The following NSUN4 variants were observed in gnomAD, a reference collection of about 807,000 sequenced individuals.
The protein encoded by NSUN4 is 5-cytosine rRNA methyltransferase NSUN4.
NSUN4 carries 31 observed loss-of-function variants against 43.8 expected under a neutral mutation model. That is an observed-to-expected ratio of 0.71 (90% CI 0.53 to 0.96). The LOEUF is 0.96. Among genes scored for constraint, NSUN4 ranks in the 40% least tolerant of loss-of-function variants. The probability of loss-of-function intolerance (pLI) is 0.00; values close to 1 mark genes in which losing one functional copy is unlikely to be tolerated. For missense variants in NSUN4, 439 were observed against 475.6 expected (o/e 0.92, Z 0.72); for synonymous variants, 167 against 184.1 (o/e 0.91, Z 0.75).
chr1:46,374,895 A>G, the NSUN4 span, among the ~76,000 whole-genome samples: 2 of 152,056 alleles, frequency 1.3e-5, no homozygotes, highest in African/African-American at 4.8e-5. Flanking sequence ...CTCTGGAAAA[A>G]AAAAAAAGAA....
rs891328315 is a variant in NSUN4 at position 46,341,411 on chromosome 1, C to T, written c.93+492C>T. 6 of 1,005,816 alleles carry T rather than the reference C, an allele frequency of 6.0e-6. No homozygotes were observed. In the African/African-American group the frequency reaches 8.6e-5, roughly 14 times the overall value. 62.3% of individuals were successfully genotyped at this position (1,005,816 alleles called of 1,614,324 possible). A position where few individuals can be genotyped will look rare whatever the true frequency, so the allele number is the denominator to read the frequency against. On this transcript the variant is annotated intron_variant, in intron 1 of 5. Coordinates refer to ENST00000474844, the MANE Select transcript of NSUN4 (RefSeq NM_199044.4). ...CGCCTTGCAGGAAAGGATTCAGCCC[C>T]TTCCTCAACCTCGAGCTGCCTCTGG...
intron 1 of NSUN4, 81 bp from the exon 2 acceptor site, chr1:46,344,720 C>A: frequency 7.8e-7 from 1 of 1,281,266 alleles, no homozygotes; most frequent in Non-Finnish European, 1.1e-6. Flanking sequence ...AAGTTTGCCC[C>A]TAGGCTCTGA....
At chr1:46,367,589 C>T (rs1419392537), downstream of NSUN4, among the ~76,000 whole-genome samples, 1 of 152,068 alleles carries the variant, frequency 6.6e-6, no homozygotes, top group African/African-American at 2.4e-5. Context: ...CAAGGGCAAG[C>T]TAGTGGTGTT....
chr1:46,345,171 G>A (rs767442208), intron 2 of NSUN4, 27 bp downstream of exon 2: 77 of 1,519,834 alleles, frequency 5.1e-5, no homozygotes, highest in South Asian at 2.3e-4. Flanking sequence ...TGACTGGAGC[G>A]GTCCTGAGTG....
the NSUN4 span, chr1:46,371,011 T>A: frequency 3.3e-5 from 5 of 152,586 alleles, no homozygotes; most frequent in African/African-American, 1.2e-4. Context: ...ATTATCCCCA[T>A]TTTAACAGAA....
At chr1:46,352,653 C>T (rs1486301271) in intron 3 of NSUN4, among the ~76,000 whole-genome samples, 5 of 152,158 alleles carry the variant, frequency 3.3e-5, no homozygotes, top group Non-Finnish European at 5.9e-5. Context: ...TATTCATTGA[C>T]TTAAATAACT....
chr1:46,381,025 A>T, the NSUN4 span, among the ~76,000 whole-genome samples: 4 of 152,166 alleles, frequency 2.6e-5, no homozygotes, highest in Admixed American at 6.5e-5. Flanking sequence ...ATGGGGACAC[A>T]GAGAGTCACA....
At chr1:46,374,013 G>T in the NSUN4 span, among the ~76,000 whole-genome samples, 49 of 152,206 alleles carry the variant, frequency 3.2e-4, 1 homozygote, top group Non-Finnish European at 2.2e-4. Context: ...CTAGCCGGGC[G>T]CAGTGGCTCA....
chr1:46,340,851 G>A lies in NSUN4; in HGVS notation c.25G>A (p.Val9Ile). The change falls in exon 1 of 6, where the codon GTC becomes ATC. Residue 9 changes from valine to isoleucine, a missense_variant. By Grantham distance (29) the Val-to-Ile change is conservative. Coordinates refer to ENST00000474844, the MANE Select transcript of NSUN4 (RefSeq NM_199044.4). MAALTLRG[V>I]RELLKRVDLA... ...TATGGCTGCGCTGACACTGAGGGGT[G>A]TCCGGGAGCTGCTGAAGCGTGTGGA... The A allele has an allele frequency of 6.2e-7, 1 of 1,612,880 alleles. No individual in the cohort carries two copies. Among genetic ancestry groups the A allele is most frequent in the Non-Finnish European group, 8.5e-7 (1 of 1,179,482 alleles).
rs1557745176 is a variant in NSUN4, at chr1:46,361,554, CTCTT to C, written c.879-12_879-9del. On this transcript the variant is annotated splice_polypyrimidine_tract_variant and intron_variant, in intron 5 of 5. Coordinates refer to ENST00000474844, the MANE Select transcript of NSUN4 (RefSeq NM_199044.4). ...GAAGCTCACTAGTAACTGCTTCTGT[CTCTT>C]TCTGGTTTCAGGGCTGGACTCCTTG... 1.2e-6 allele frequency: 2 copies of C among 1,610,962 alleles called. No individual in the cohort carries two copies. Among genetic ancestry groups the C allele is most frequent in the Non-Finnish European group, 8.5e-7 (1 of 1,177,992 alleles).
chr1:46,341,299 C>T, intron 1 of NSUN4: 1 of 991,026 alleles, frequency 1.0e-6, no homozygotes, highest in Non-Finnish European at 1.2e-6. Context: ...CACATGACTT[C>T]TCCTTTCCTC....
In NSUN4 at chr1:46,344,823, C is replaced by T. The variant is rs1047218897; in HGVS notation, c.116C>T (p.Pro39Leu). 6.2e-7 allele frequency: 1 copy of T among 1,613,936 alleles called. No homozygotes were observed. The highest frequency in any genetic ancestry group is 8.5e-7 in the Non-Finnish European group (1 of 1,179,930). The change falls in exon 2 of 6, where the codon CCT becomes CTT. Residue 39 changes from proline to leucine, a missense_variant. Coordinates refer to ENST00000474844, the MANE Select transcript of NSUN4 (RefSeq NM_199044.4). ...TAGGCTGCCACAGAGCCCAAATTCC[C>T]TGCTGTTCGACTGGCTTTGCAGAAT... ...KKWAATEPKF[P>L]AVRLALQNFD...
At chr1:46,344,025 A>C (rs1476390768) in intron 1 of NSUN4, 4 of 369,404 alleles carry the variant, frequency 1.1e-5, no homozygotes, top group Non-Finnish European at 1.9e-5. Flanking sequence ...ATTGCCAGCT[A>C]TAGCAAGCAT....
the NSUN4 span, among the ~76,000 whole-genome samples, chr1:46,384,024 G>T: frequency 6.6e-6 from 1 of 152,176 alleles, no homozygotes; most frequent in South Asian, 2.1e-4. Flanking sequence ...TTTAACGAGA[G>T]TGATGGGGTG....
At position 46,364,959 on chromosome 1, in the gene NSUN4, T is replaced by C. The variant is rs1163787224; in HGVS notation, c.*3113T>C. On this transcript the variant is annotated 3_prime_UTR_variant, in exon 6 of 6. Coordinates refer to ENST00000474844, the MANE Select transcript of NSUN4 (RefSeq NM_199044.4). ...AATTCTGAGATTCCTGATGTTTACC[T>C]ACCTAGTCTTTCTCTTGCTGCCCTG... 6.6e-6 allele frequency: 1 copy of C among 152,266 alleles called. No homozygotes were observed. Among genetic ancestry groups the C allele is most frequent in the Non-Finnish European group, 1.5e-5 (1 of 68,052 alleles). The allele number at this position is 152,266 out of a possible 1,614,324, so 9.4% of individuals were successfully genotyped here.
At chr1:46,350,185 A>G (rs1374692194) in intron 3 of NSUN4, among the ~76,000 whole-genome samples, 1 of 152,204 alleles carries the variant, frequency 6.6e-6, no homozygotes, top group African/African-American at 2.4e-5. Context: ...TCCTTCTGCA[A>G]ATTCCTCTAG....
intron 4 of NSUN4, among the ~76,000 whole-genome samples, chr1:46,359,044 G>A (rs1017291047): frequency 7.2e-5 from 11 of 151,952 alleles, no homozygotes; most frequent in African/African-American, 2.7e-4. Flanking sequence ...AATCACCTGA[G>A]GTCAAGATTT....
At position 46,360,748 on chromosome 1, in the gene NSUN4, TGAG is replaced by T. The variant is rs774918965; in HGVS notation, c.805_807del (p.Glu269del). 5.6e-5 allele frequency: 91 copies of T among 1,613,746 alleles called. No homozygotes were observed. The highest frequency in any genetic ancestry group is 7.5e-5 in the Non-Finnish European group (88 of 1,179,844). Reference sequence around the variant, plus strand: ...GTACCACAGACCGCCACTCCCTTCATGAGGAGGAGAACAACATCTTTAAGCGGT... The same window carrying T: ...GTACCACAGACCGCCACTCCCTTCATGAGGAGAACAACATCTTTAAGCGGT... On this transcript the variant is annotated inframe_deletion, in exon 5 of 6. Transcript: ENST00000474844.
the NSUN4 span, among the ~76,000 whole-genome samples, chr1:46,372,466 A>G: frequency 7.9e-5 from 12 of 152,134 alleles, no homozygotes; most frequent in East Asian, 2.3e-3. Flanking sequence ...TTACATGGCC[A>G]GGCTGAGTCT....
Sources: gnomAD v4.1 joint callset for allele counts (sites outside exome capture counted in the v4.1 genomes callset) on GRCh38, gnomAD v4.1.1 for gene constraint, MANE v1.5 for transcripts, NCBI Gene and HGNC (gene_info 2026-07-23, HGNC 2026-07-21) for gene names.